The following INTU variants were observed in gnomAD, a reference collection of about 807,000 sequenced individuals.
INTU encodes protein inturned.
In INTU, 68 loss-of-function variants were observed where a neutral mutation model predicts 100.5. The observed-to-expected ratio is 0.68, with a 90% confidence interval of 0.56 to 0.83. INTU has a LOEUF of 0.83. Ranked by LOEUF, INTU falls within the 40% of genes least tolerant of loss-of-function variation. The pLI is 0.00. For synonymous variants in INTU, 357 were observed against 395.7 expected, an observed-to-expected ratio of 0.90 and a Z score of 1.16; for missense variants, 1,071 against 1,114.7, an observed-to-expected ratio of 0.96 and a Z score of 0.56.
intron 13 of INTU, among the ~76,000 whole-genome samples, chr4:127,710,253 A>G (rs1731045022): frequency 2.0e-5 from 3 of 152,150 alleles, no homozygotes; most frequent in South Asian, 4.1e-4. Flanking sequence ...AGATGTTTTT[A>G]TATGATGTAG....
chr4:127,681,626 G>A lies in INTU; in HGVS notation c.1182-2783G>A, dbSNP rs192402445. Among the ~76,000 whole-genome samples the A allele has an allele frequency of 5.4e-3, 818 of 152,154 alleles. 2 individuals carry two copies. The highest frequency in any genetic ancestry group is 8.0e-3 in the Non-Finnish European group (544 of 68,004). The stretch of plus-strand genomic sequence containing the variant: ...TTCAAGATGGATTAAAGACTTAAAC[G>A]GTAGACCTAAAACCATAAAAACCCT... On this transcript the variant is annotated intron_variant, in intron 6 of 15. Transcript: ENST00000335251.
chr4:127,710,964 A>G lies in INTU; in HGVS notation c.2421A>G (p.Thr807=), dbSNP rs1425931231. 1.9e-6 allele frequency: 3 copies of G among 1,563,074 alleles called. No homozygotes were observed. In the Admixed American group the frequency reaches 5.1e-5, roughly 26 times the overall value. Residue 807 remains threonine (T), a synonymous_variant, in exon 14 of 16, where the codon ACA becomes ACG. Transcript: ENST00000335251. ...TTTTCCACTACGTTGCCTTAGAAAC[A>G]GTGCAAGGAATCTTTATTACTCCTA... ...NTLFHYVALE[T]VQGIFITPTL...
At position 127,680,138 on chromosome 4, in the gene INTU, G is replaced by A. The variant is rs1394340761; in HGVS notation, c.1182-4271G>A. Among the ~76,000 whole-genome samples the A allele has an allele frequency of 7.2e-5, 11 of 152,202 alleles. No individual in the cohort carries two copies. The East Asian group carries it at 1.5e-3, about 21-fold the overall frequency. On this transcript the variant is annotated intron_variant, in intron 6 of 15. Transcript: ENST00000335251. ...TAGCTTACCAACCAAAAAGAGTCCAGGACCAGATGGATTCACAGCTGAATT... is the reference window on the plus strand; with the variant it reads ...TAGCTTACCAACCAAAAAGAGTCCAAGACCAGATGGATTCACAGCTGAATT...
chr4:127,671,167 C>G (rs1169303835), intron 5 of INTU, among the ~76,000 whole-genome samples: 6 of 151,922 alleles, frequency 3.9e-5, no homozygotes, highest in Non-Finnish European at 7.4e-5. Context: ...AGTCCAGAGT[C>G]AATAGATAGC....
chr4:127,649,114 T>A (rs1727716144), intron 2 of INTU, among the ~76,000 whole-genome samples: 1 of 152,172 alleles, frequency 6.6e-6, no homozygotes, highest in African/African-American at 2.4e-5. Flanking sequence ...GTACCTACAG[T>A]GGCAACATTT....
intron 2 of INTU, among the ~76,000 whole-genome samples, chr4:127,655,108 C>G (rs1471064598): frequency 6.6e-6 from 1 of 152,088 alleles, no homozygotes; most frequent in Non-Finnish European, 1.5e-5. Context: ...ACTGGTTATT[C>G]TAGTTATACA....
At chr4:127,642,299 C>T (rs776419620) in intron 1 of INTU, among the ~76,000 whole-genome samples, 1 of 152,082 alleles carries the variant, frequency 6.6e-6, no homozygotes, top group African/African-American at 2.4e-5. Flanking sequence ...CAACAAGTCC[C>T]AAAGAAATGT....
At chr4:127,684,653 TCTC>T (rs1455080280) in intron 7 of INTU, among the ~76,000 whole-genome samples, 167 bp downstream of exon 7, 1 of 151,284 alleles carries the variant, frequency 6.6e-6, no homozygotes, top group Non-Finnish European at 1.5e-5. Context: ...CCTTCTTCCT[TCTC>T]CTCCTCTTCC....
chr4:127,687,254 G>C (rs1729869225), intron 7 of INTU: 1 of 152,438 alleles, frequency 6.6e-6, no homozygotes, highest in Admixed American at 6.5e-5. Context: ...AGAAAGAGCT[G>C]TGATAAGCCA....
chr4:127,646,730 T>G (rs1344600012), intron 2 of INTU, among the ~76,000 whole-genome samples: 1 of 152,174 alleles, frequency 6.6e-6, no homozygotes, highest in Non-Finnish European at 1.5e-5. Context: ...GTTGGTACCA[T>G]TATTCAAGGA....
In INTU at chr4:127,679,897, C is replaced by T. The variant is rs542115045; in HGVS notation, c.1182-4512C>T. Among the ~76,000 whole-genome samples the T allele has an allele frequency of 3.8e-3, 573 of 151,998 alleles. 2 individuals carry two copies. The highest frequency in any genetic ancestry group is 6.2e-3 in the Non-Finnish European group (421 of 67,968). ...ATAAAAGAGAGAAGAATCAAATAGA[C>T]GCAATAAAAAATGATAAAGGAGATA... is the stretch of plus-strand genomic sequence containing the variant. On this transcript the variant is annotated intron_variant, in intron 6 of 15. Coordinates refer to ENST00000335251, the MANE Select transcript of INTU (RefSeq NM_015693.4).
chr4:127,715,820 A>C (rs924439744), intron 15 of INTU, among the ~76,000 whole-genome samples: 1 of 152,240 alleles, frequency 6.6e-6, no homozygotes, highest in Admixed American at 6.5e-5. Flanking sequence ...TCTCCAGTTT[A>C]AATAGATCAA....
chr4:127,635,398 C>T (rs1727025117), intron 1 of INTU, among the ~76,000 whole-genome samples: 1 of 152,062 alleles, frequency 6.6e-6, no homozygotes, highest in Non-Finnish European at 1.5e-5. Context: ...CACACATTCA[C>T]CTGCAACAAT....
intron 8 of INTU, among the ~76,000 whole-genome samples, chr4:127,693,268 G>T (rs1730233015): frequency 6.6e-6 from 1 of 152,068 alleles, no homozygotes; most frequent in Admixed American, 6.6e-5. Flanking sequence ...TCAGTGTTTT[G>T]TAGTTTTCTT....
At chr4:127,639,511 G>T (rs764542187) in intron 1 of INTU, among the ~76,000 whole-genome samples, 26 of 151,376 alleles carry the variant, frequency 1.7e-4, no homozygotes, top group African/African-American at 3.9e-4. Flanking sequence ...TGGGTTTTTT[G>T]TTGTTGTTGT....
intron 14 of INTU, 47 bp downstream of exon 14, chr4:127,711,149 A>T (rs773618406): frequency 7.4e-6 from 10 of 1,353,090 alleles, no homozygotes; most frequent in Non-Finnish European, 4.0e-6. Context: ...TAATTTCCAG[A>T]TCTCTAAGCA....
At chr4:127,654,565 G>A (rs1157806996) in intron 2 of INTU, among the ~76,000 whole-genome samples, 2 of 152,242 alleles carry the variant, frequency 1.3e-5, no homozygotes, top group South Asian at 4.2e-4. Flanking sequence ...CTCTCTTCTG[G>A]CTCGTAGGGT....
At chr4:127,691,801 T>A (rs145507944) in intron 8 of INTU, among the ~76,000 whole-genome samples, 1 of 151,930 alleles carries the variant, frequency 6.6e-6, no homozygotes, top group East Asian at 1.9e-4. Flanking sequence ...TGCCTTTGCA[T>A]CCTCATAGCT....
At chr4:127,694,212 G>C (rs940813291) in intron 8 of INTU, among the ~76,000 whole-genome samples, 1 of 151,396 alleles carries the variant, frequency 6.6e-6, no homozygotes, top group African/African-American at 2.4e-5. Context: ...GACTTTTTTT[G>C]TTGGCAGTTT....
Sources: gnomAD v4.1 joint callset for allele counts (sites outside exome capture counted in the v4.1 genomes callset) on GRCh38, gnomAD v4.1.1 for gene constraint, MANE v1.5 for transcripts, NCBI Gene and HGNC (gene_info 2026-07-23, HGNC 2026-07-21) for gene names.